Variants in FSD2 observed in about 807,000 individuals in gnomAD.
The protein encoded by FSD2 is fibronectin type III and SPRY domain containing 2.
FSD2 carries 71 observed loss-of-function variants against 80.4 expected under a neutral mutation model. That is an observed-to-expected ratio of 0.88 (90% CI 0.73 to 1.08). The LOEUF is 1.08. Ranked by LOEUF, FSD2 falls within the 50% of genes least tolerant of loss-of-function variation. The pLI, the probability that FSD2 is intolerant of heterozygous loss-of-function variation, is 0.00. For missense variants in FSD2, 923 were observed against 913.8 expected (o/e 1.01, Z -0.13); for synonymous variants, 361 against 329.5 (o/e 1.10, Z -1.03).
intron 6 of FSD2, among the ~76,000 whole-genome samples, 167 bp downstream of exon 6, chr15:82,778,598 AG>A (rs2049777838): frequency 1.3e-5 from 2 of 152,248 alleles, no homozygotes; most frequent in African/African-American, 2.4e-5. Flanking sequence ...AAGATGGGTA[AG>A]TTCTAGAGGT....
rs1295487604 is a variant in FSD2, at chr15:82,780,274, AG to A, written c.967-8del. 1 of 1,481,812 alleles carries A rather than the reference AG, an allele frequency of 6.7e-7. No individual in the cohort carries two copies. The highest frequency in any genetic ancestry group is 2.5e-5 in the East Asian group (1 of 39,626). The allele number at this position is 1,481,812 out of a possible 1,614,324, so 91.8% of individuals were successfully genotyped here. A position where few individuals can be genotyped will look rare whatever the true frequency, so the allele number is the denominator to read the frequency against. ...CAGCCATAGCCACTGCATCCTAAAA[AG>A]GAAAAAGAGAAAATATTAAGTTGAT... is the stretch of plus-strand genomic sequence containing the variant. On this transcript the variant is annotated splice_region_variant and splice_polypyrimidine_tract_variant and intron_variant, in intron 4 of 12. Coordinates refer to ENST00000334574, the MANE Select transcript of FSD2 (RefSeq NM_001007122.4).
At chr15:82,779,804 AG>A (rs2049808922) in intron 5 of FSD2, among the ~76,000 whole-genome samples, 2 of 152,096 alleles carry the variant, frequency 1.3e-5, no homozygotes, top group Non-Finnish European at 2.9e-5. Context: ...CCTCATTTGT[AG>A]ATAAGGTGTC....
chr15:82,776,352 G>C (rs2049712776), intron 6 of FSD2, among the ~76,000 whole-genome samples: 1 of 152,110 alleles, frequency 6.6e-6, no homozygotes, highest in Admixed American at 6.6e-5. Flanking sequence ...ATTTGTTAAG[G>C]CTTGTTTTGT....
At chr15:82,766,967 C>T (rs757480263) in intron 9 of FSD2, among the ~76,000 whole-genome samples, 16 of 152,178 alleles carry the variant, frequency 1.1e-4, no homozygotes, top group Non-Finnish European at 2.1e-4. Flanking sequence ...TAGGATGATG[C>T]CCATTTACCA....
chr15:82,776,366 G>A (rs549073825), intron 6 of FSD2, among the ~76,000 whole-genome samples: 7 of 152,252 alleles, frequency 4.6e-5, no homozygotes, highest in East Asian at 3.9e-4. Context: ...GTTTTGTGGC[G>A]TAACATGTGA....
At chr15:82,805,254 A>G (rs1392360566) in intron 1 of FSD2, among the ~76,000 whole-genome samples, 1 of 145,010 alleles carries the variant, frequency 6.9e-6, no homozygotes, top group African/African-American at 2.6e-5. Flanking sequence ...TTAACCTTTT[A>G]TGGATCATGG....
intron 1 of FSD2, among the ~76,000 whole-genome samples, chr15:82,795,212 G>A (rs570647099): frequency 6.5e-4 from 99 of 152,032 alleles, no homozygotes; most frequent in Non-Finnish European, 1.3e-3. Context: ...TGTGTATCTT[G>A]TAGACAACAT....
intron 1 of FSD2, among the ~76,000 whole-genome samples, chr15:82,790,206 C>CA (rs769362011): frequency 2.2e-5 from 3 of 134,410 alleles, no homozygotes; most frequent in Non-Finnish European, 3.3e-5. Flanking sequence ...ACAACAACAA[C>CA]AACAAACAAA....
At position 82,795,323 on chromosome 15, in the gene FSD2, A is replaced by AT. The variant is rs966664089; in HGVS notation, c.-78-7856dup. Among the ~76,000 whole-genome samples, 176 of 151,726 alleles carry AT rather than the reference A, an allele frequency of 1.2e-3. 2 individuals carry two copies. Among genetic ancestry groups the AT allele is most frequent in the Admixed American group, 3.5e-3 (53 of 15,214 alleles). ...CTTTGTTGGAGGAGCTCAAGCTATG[A>AT]TTTTTTTTTCCATATAACAAAATGG... On this transcript the variant is annotated intron_variant, in intron 1 of 12. Transcript: ENST00000334574.
intron 1 of FSD2, among the ~76,000 whole-genome samples, chr15:82,795,400 C>A (rs980467003): frequency 1.3e-5 from 2 of 152,002 alleles, no homozygotes; most frequent in African/African-American, 2.4e-5. Flanking sequence ...CTCCCCAGAA[C>A]CTGAGAATGA....
chr15:82,801,497 C>A lies in FSD2; in HGVS notation c.-79+4469G>T, dbSNP rs149267209. Among the ~76,000 whole-genome samples, 625 of 152,224 alleles carry A rather than the reference C, an allele frequency of 4.1e-3. 21 individuals carry two copies. The highest frequency in any genetic ancestry group is 0.036 in the Admixed American group (550 of 15,286). ...TACCTGGACTCAGCCCTGGTGAGCC[C>A]CTGGGGACCTTCTCTCTTCTCCTCT... On this transcript the variant is annotated intron_variant, in intron 1 of 12. Coordinates refer to ENST00000334574, the MANE Select transcript of FSD2 (RefSeq NM_001007122.4).
chr15:82,757,749 G>GGTGT lies in FSD2; in HGVS notation c.*1595_*1598dup, dbSNP rs1342372162. On this transcript the variant is annotated 3_prime_UTR_variant, in exon 13 of 13. Coordinates refer to ENST00000334574, the MANE Select transcript of FSD2 (RefSeq NM_001007122.4). ...GTAGACAGTCCAGCTTGGCAGGATA[G>GGTGT]GTGTGTGTGTGTATAACGAGTTATT... 1 of 152,132 alleles carries GGTGT rather than the reference G, an allele frequency of 6.6e-6. No homozygotes were observed. The highest frequency in any genetic ancestry group is 2.4e-5 in the African/African-American group (1 of 41,420). The allele number at this position is 152,132 out of a possible 1,614,324, so 9.4% of individuals were successfully genotyped here.
intron 1 of FSD2, among the ~76,000 whole-genome samples, chr15:82,799,994 G>T (rs1025757674): frequency 6.6e-6 from 1 of 152,180 alleles, no homozygotes; most frequent in African/African-American, 2.4e-5. Flanking sequence ...TGAACTGACT[G>T]CCTGCCCTTC....
chr15:82,766,555 A>G (rs908357283), intron 9 of FSD2, among the ~76,000 whole-genome samples: 2 of 152,126 alleles, frequency 1.3e-5, no homozygotes, highest in Non-Finnish European at 2.9e-5. Flanking sequence ...CAGCCTAGCC[A>G]ACATGGTGAA....
chr15:82,794,726 C>CT lies in FSD2; in HGVS notation c.-78-7259dup, dbSNP rs56731193. On this transcript the variant is annotated intron_variant, in intron 1 of 12. Transcript: ENST00000334574. ...ATCTTTTTGATGGATTGGCTCTTTT[C>CT]TTTTTTTTTTTTTTTTGAGAAGGAG... is the stretch of plus-strand genomic sequence containing the variant. Among the ~76,000 whole-genome samples, 1,002 of 134,882 alleles carry CT rather than the reference C, an allele frequency of 7.4e-3. 4 individuals carry two copies. Among genetic ancestry groups the CT allele is most frequent in the African/African-American group, 0.011 (418 of 37,070 alleles). 88.5% of individuals were successfully genotyped at this position (134,882 alleles called of 152,430 possible).
At chr15:82,790,371 A>G (rs1307510457) in intron 1 of FSD2, among the ~76,000 whole-genome samples, 2 of 152,118 alleles carry the variant, frequency 1.3e-5, no homozygotes, top group Non-Finnish European at 2.9e-5. Context: ...GACTTACATC[A>G]TGGTCTGGCA....
rs544222615 is a variant in FSD2, at chr15:82,805,975, G to A, written c.-88C>T. 2 of 152,298 alleles carry A rather than the reference G, an allele frequency of 1.3e-5. No individual in the cohort carries two copies. Among genetic ancestry groups the A allele is most frequent in the African/African-American group, 2.4e-5 (1 of 41,544 alleles). The allele number at this position is 152,298 out of a possible 1,614,324, so 9.4% of individuals were successfully genotyped here. On this transcript the variant is annotated 5_prime_UTR_variant, in exon 1 of 13. In the 5' UTR this introduces an upstream ATG that the reference lacks. Coordinates refer to ENST00000334574, the MANE Select transcript of FSD2 (RefSeq NM_001007122.4). ...CTACCCCAAAACTTGCCTGCTAAGCGTCCATAAATGCTTCCTTTAACTCAG... is the reference window on the plus strand; with the variant it reads ...CTACCCCAAAACTTGCCTGCTAAGCATCCATAAATGCTTCCTTTAACTCAG...
At chr15:82,778,425 C>T (rs922861429) in intron 6 of FSD2, among the ~76,000 whole-genome samples, 2 of 151,886 alleles carry the variant, frequency 1.3e-5, no homozygotes, top group African/African-American at 4.8e-5. Flanking sequence ...TGCTAAGTGA[C>T]ATTAGCCAGT....
At chr15:82,805,382 T>G (rs1330367023) in intron 1 of FSD2, among the ~76,000 whole-genome samples, 1 of 152,198 alleles carries the variant, frequency 6.6e-6, no homozygotes, top group African/African-American at 2.4e-5. Context: ...TGGCAATTCC[T>G]GAGCCACAGC....
Sources: allele counts gnomAD v4.1 joint callset (sites outside exome capture counted in the v4.1 genomes callset), GRCh38; gene constraint gnomAD v4.1.1; transcripts MANE v1.5; gene names NCBI Gene and HGNC (gene_info 2026-07-23, HGNC 2026-07-21).